RPS6KC1: variants seen among roughly 807,000 people sequenced by gnomAD.
RPS6KC1 encodes the protein inactive ribosomal protein S6 kinase delta-1.
Under a neutral mutation model 103.8 loss-of-function variants are expected in RPS6KC1, and 54 were observed. The observed-to-expected ratio is 0.52, with a 90% CI of 0.42 to 0.65. The LOEUF is 0.65. Ranked by LOEUF, RPS6KC1 falls within the 30% of genes least tolerant of loss-of-function variation. The pLI is 0.00. For synonymous variants in RPS6KC1, 439 were observed against 438.7 expected (o/e 1.00, Z -0.01); for missense variants, 1,151 against 1,253.8 (o/e 0.92, Z 1.24).
the RPS6KC1 span, among the ~76,000 whole-genome samples, chr1:213,608,659 T>C: frequency 6.6e-6 from 1 of 152,258 alleles, no homozygotes. Flanking sequence ...AAAAAATTCT[T>C]ATCCAAAATT....
intron 6 of RPS6KC1, among the ~76,000 whole-genome samples, chr1:213,151,176 C>A (rs2088776887): frequency 6.9e-6 from 1 of 144,254 alleles, no homozygotes; most frequent in Non-Finnish European, 1.5e-5. Flanking sequence ...GGGGCTGACC[C>A]CCCCACCTCC....
At chr1:213,589,291 G>T in the RPS6KC1 span, among the ~76,000 whole-genome samples, 1 of 152,264 alleles carries the variant, frequency 6.6e-6, no homozygotes, top group Non-Finnish European at 1.5e-5. Flanking sequence ...TAGGAAGAAG[G>T]TTGGTCAGTC....
At chr1:213,738,158 C>CAT in the RPS6KC1 span, among the ~76,000 whole-genome samples, 7 of 152,054 alleles carry the variant, frequency 4.6e-5, no homozygotes, top group African/African-American at 9.7e-5. Context: ...TACACACACA[C>CAT]ATATATATAT....
chr1:213,471,497 C>T, the RPS6KC1 span, among the ~76,000 whole-genome samples: 2 of 152,102 alleles, frequency 1.3e-5, no homozygotes, highest in East Asian at 1.9e-4. Flanking sequence ...AGGAGAAGGA[C>T]GACATCAAGT....
chr1:213,232,279 T>C (rs1573479724), intron 10 of RPS6KC1, 24 bp downstream of exon 10: 12 of 1,613,668 alleles, frequency 7.4e-6, no homozygotes, highest in Non-Finnish European at 8.5e-6. Context: ...TTGGATTGTT[T>C]ATGCAGTGAA....
the RPS6KC1 span, among the ~76,000 whole-genome samples, chr1:213,346,383 C>G: frequency 6.6e-6 from 1 of 152,014 alleles, no homozygotes; most frequent in African/African-American, 2.4e-5. Context: ...ACCAATAAAA[C>G]TCCAGAAATA....
the RPS6KC1 span, among the ~76,000 whole-genome samples, chr1:213,440,695 G>T: frequency 2.0e-5 from 3 of 151,780 alleles, no homozygotes; most frequent in Admixed American, 6.6e-5. Flanking sequence ...GAAAAGGTGA[G>T]ATTTGAGTTG....
At chr1:213,114,523 C>T (rs1572615836) in intron 4 of RPS6KC1, among the ~76,000 whole-genome samples, 1 of 151,880 alleles carries the variant, frequency 6.6e-6, no homozygotes, top group African/African-American at 2.4e-5. Flanking sequence ...TTGACTTCCT[C>T]TTTTCCTCAT....
At chr1:213,583,430 C>T in the RPS6KC1 span, among the ~76,000 whole-genome samples, 2 of 152,128 alleles carry the variant, frequency 1.3e-5, no homozygotes, top group African/African-American at 4.8e-5. Context: ...GATTGGGAGT[C>T]TGCTTGACTG....
chr1:213,242,156 G>T lies in RPS6KC1; in HGVS notation c.2680G>T (p.Ala894Ser). 2 of 1,613,876 alleles carry T rather than the reference G, an allele frequency of 1.2e-6. No homozygotes were observed. The highest frequency in any genetic ancestry group is 1.7e-6 in the Non-Finnish European group (2 of 1,179,882). ...QIFEDLDKKLALASRFYIPEG... is the reference protein window; with the variant it reads ...QIFEDLDKKLSLASRFYIPEG... ...TTTTGAGGACCTTGATAAAAAATTAGCACTAGCCTCCAGGTTTTACATCCC... is the reference window on the plus strand; with the variant it reads ...TTTTGAGGACCTTGATAAAAAATTATCACTAGCCTCCAGGTTTTACATCCC... The change falls in exon 11 of 15, where the codon GCA becomes TCA. Residue 894 changes from alanine to serine, a missense_variant. By Grantham distance (99) the Ala-to-Ser change is moderately conservative. This residue lies in a region of RPS6KC1 where 189 missense variants were observed against 228.8 expected (regional missense o/e 0.83). Coordinates refer to ENST00000366960, the MANE Select transcript of RPS6KC1 (RefSeq NM_012424.6).
At chr1:213,417,633 G>A in the RPS6KC1 span, among the ~76,000 whole-genome samples, 1 of 151,938 alleles carries the variant, frequency 6.6e-6, no homozygotes, top group Non-Finnish European at 1.5e-5. Flanking sequence ...TTCAAATGGG[G>A]TCGGGGATGG....
the RPS6KC1 span, among the ~76,000 whole-genome samples, chr1:213,693,000 A>G: frequency 2.0e-5 from 3 of 152,130 alleles, no homozygotes; most frequent in African/African-American, 7.2e-5. Flanking sequence ...CCTGGAACAC[A>G]CCAGAGTCTC....
chr1:213,304,066 C>T, the RPS6KC1 span, among the ~76,000 whole-genome samples: 8 of 150,866 alleles, frequency 5.3e-5, no homozygotes, highest in Non-Finnish European at 1.5e-5. Flanking sequence ...ATTAGCCGGG[C>T]GTAGTGGCGG....
the RPS6KC1 span, among the ~76,000 whole-genome samples, chr1:213,796,901 T>C: frequency 6.6e-6 from 1 of 152,196 alleles, no homozygotes; most frequent in African/African-American, 2.4e-5. Context: ...CTCCTGGTGC[T>C]TAGAGACAGT....
At chr1:213,824,873 C>T in the RPS6KC1 span, among the ~76,000 whole-genome samples, 1 of 152,206 alleles carries the variant, frequency 6.6e-6, no homozygotes, top group South Asian at 2.1e-4. Context: ...TGAACTAATA[C>T]ATGCATTGAT....
chr1:213,334,874 A>T, the RPS6KC1 span, among the ~76,000 whole-genome samples: 3 of 152,164 alleles, frequency 2.0e-5, no homozygotes. Context: ...CTATATGTAC[A>T]TCTACATCTC....
At chr1:213,518,250 C>A in the RPS6KC1 span, among the ~76,000 whole-genome samples, 1 of 152,166 alleles carries the variant, frequency 6.6e-6, no homozygotes, top group African/African-American at 2.4e-5. Flanking sequence ...TGACTATGGT[C>A]TCACTTGGAA....
At chr1:213,745,420 T>TAAA in the RPS6KC1 span, among the ~76,000 whole-genome samples, 10 of 128,130 alleles carry the variant, frequency 7.8e-5, no homozygotes, top group African/African-American at 2.6e-4. Flanking sequence ...TACTGTGACT[T>TAAA]AAAAAAAAAA....
chr1:213,139,991 ATTTG>A (rs1256423152), intron 6 of RPS6KC1, among the ~76,000 whole-genome samples: 1 of 151,858 alleles, frequency 6.6e-6, no homozygotes, highest in East Asian at 1.9e-4. Context: ...ATGCTTTTCT[ATTTG>A]TTTGTGTCAT....
Sources: allele counts gnomAD v4.1 joint callset (sites outside exome capture counted in the v4.1 genomes callset), GRCh38; gene constraint gnomAD v4.1.1; regional missense constraint gnomAD v4.1.1; transcripts MANE v1.5; gene names NCBI Gene and HGNC (gene_info 2026-07-23, HGNC 2026-07-21).